Variants in ABCB1 observed in about 807,000 individuals in gnomAD.
ABCB1 encodes the protein ATP binding cassette subfamily B member 1, also known as ATP-dependent translocase ABCB1.
ABCB1 carries 69 observed loss-of-function variants against 142.0 expected under a neutral mutation model. That is an observed-to-expected ratio of 0.49 (90% CI 0.40 to 0.59). The LOEUF is 0.59. Among genes scored for constraint, ABCB1 ranks in the 20% least tolerant of loss-of-function variants. ABCB1 has a pLI of 0.00. For synonymous variants in ABCB1, 532 were observed against 539.2 expected (o/e 0.99, Z 0.18); for missense variants, 1,326 against 1,554.7 (o/e 0.85, Z 2.47).
At position 87,503,237 on chromosome 7, in the gene ABCB1, T is replaced by C. The variant is rs558395209; in HGVS notation, c.*1006A>G. ...AGTTGCTTATTTAAGATAGCAATTGTTTATAGTAAATATAGTTTATAATGT... is the reference window on the plus strand; with the variant it reads ...AGTTGCTTATTTAAGATAGCAATTGCTTATAGTAAATATAGTTTATAATGT... On this transcript the variant is annotated 3_prime_UTR_variant, in exon 28 of 28. Coordinates refer to ENST00000622132, the MANE Select transcript of ABCB1 (RefSeq NM_001348946.2). 2.0e-5 allele frequency among the ~76,000 whole-genome samples: 3 copies of C among 152,178 alleles called. No individual in the cohort carries two copies. The highest frequency in any genetic ancestry group is 4.4e-5 in the Non-Finnish European group (3 of 67,956).
chr7:87,634,644 A>G (rs1246085959), intron 1 of ABCB1, among the ~76,000 whole-genome samples: 1 of 152,282 alleles, frequency 6.6e-6, no homozygotes, highest in East Asian at 1.9e-4. Context: ...AAAAGAAAAA[A>G]AAAAGAACTT....
At position 87,677,274 on chromosome 7, in the gene ABCB1, AACACACACACACAC is replaced by A. The variant is rs57009840; in HGVS notation, c.-331+35873_-331+35886del. 1.2e-4 allele frequency among the ~76,000 whole-genome samples: 16 copies of A among 135,898 alleles called. No homozygotes were observed. In the South Asian group the frequency reaches 2.2e-3, roughly 18 times the overall value. The allele number at this position is 135,898 out of a possible 152,430, so 89.2% of individuals were successfully genotyped here. A position where few individuals can be genotyped will look rare whatever the true frequency, so the allele number is the denominator to read the frequency against. On this transcript the variant is annotated intron_variant, in intron 1 of 28. Transcript: ENST00000265724. ...TGGATTAATAAACTACAGTGTATAT[AACACACACACACAC>A]ACACACACACACACACACACACCAC...
At chr7:87,689,268 T>A (rs1484801996) in intron 1 of ABCB1, among the ~76,000 whole-genome samples, 1 of 152,108 alleles carries the variant, frequency 6.6e-6, no homozygotes, top group Non-Finnish European at 1.5e-5. Flanking sequence ...AAATTGATGA[T>A]CTCTGATGGT....
chr7:87,552,785 G>C (rs1204313308), intron 9 of ABCB1, among the ~76,000 whole-genome samples: 1 of 151,066 alleles, frequency 6.6e-6, no homozygotes, highest in African/African-American at 2.4e-5. Context: ...ATTGTTTTAA[G>C]GGATTCTACA....
intron 2 of ABCB1, among the ~76,000 whole-genome samples, chr7:87,597,923 T>C (rs1171276402): frequency 6.6e-6 from 1 of 152,192 alleles, no homozygotes; most frequent in East Asian, 1.9e-4. Context: ...CTACGTTTGG[T>C]AGTTATATCT....
intron 1 of ABCB1, among the ~76,000 whole-genome samples, chr7:87,644,342 T>C (rs1417429299): frequency 3.9e-5 from 6 of 152,348 alleles, no homozygotes; most frequent in Admixed American, 3.9e-4. Context: ...TGTTGATCAT[T>C]GATGCTGACT....
intron 1 of ABCB1, among the ~76,000 whole-genome samples, chr7:87,622,985 G>C (rs1820278956): frequency 6.6e-6 from 1 of 152,044 alleles, no homozygotes. Flanking sequence ...TCAAGGCCGA[G>C]GTAAGCCATG....
At chr7:87,606,966 A>C (rs978301551) in intron 1 of ABCB1, among the ~76,000 whole-genome samples, 1 of 152,186 alleles carries the variant, frequency 6.6e-6, no homozygotes, top group Non-Finnish European at 1.5e-5. Flanking sequence ...TGGCTAAAAC[A>C]AGAAACATTG....
chr7:87,586,979 T>C (rs1818784754), intron 3 of ABCB1, among the ~76,000 whole-genome samples: 2 of 152,176 alleles, frequency 1.3e-5, no homozygotes, highest in African/African-American at 4.8e-5. Flanking sequence ...GAGCTTAAGT[T>C]TGGGTTCATG....
chr7:87,531,476 C>T lies in ABCB1; in HGVS notation c.2503G>A (p.Val835Ile). The change falls in exon 21 of 28, where the codon GTA becomes ATA. Residue 835 changes from valine (V) to isoleucine (I), a missense_variant. By Grantham distance (29) the Val-to-Ile change is conservative. Transcript: ENST00000622132. Reference protein sequence around the residue: ...VKGAIGSRLAVITQNIANLGT... With the variant: ...VKGAIGSRLAIITQNIANLGT... ...AGATTTGCTATATTCTGGGTAATTA[C>T]AGCAAGCCTGGAACCTATAGCCTGC... 1 of 1,613,124 alleles carries T rather than the reference C, an allele frequency of 6.2e-7. No homozygotes were observed. The highest frequency in any genetic ancestry group is 1.3e-5 in the African/African-American group (1 of 74,986).
chr7:87,691,382 CTA>C (rs1487393586), intron 1 of ABCB1, among the ~76,000 whole-genome samples: 1 of 152,062 alleles, frequency 6.6e-6, no homozygotes, highest in Admixed American at 6.6e-5. Flanking sequence ...CCTGAAATAA[CTA>C]TATGGTATAA....
intron 7 of ABCB1, chr7:87,565,586 T>A: frequency 2.7e-6 from 1 of 369,810 alleles, no homozygotes. Context: ...CTGACAAAAC[T>A]GTAAAATCAA....
chr7:87,675,864 A>G (rs984025303), intron 1 of ABCB1, among the ~76,000 whole-genome samples: 7 of 152,114 alleles, frequency 4.6e-5, no homozygotes, highest in African/African-American at 1.7e-4. Flanking sequence ...ATATTTTTGG[A>G]CTTAACACCC....
chr7:87,596,216 A>G (rs1280952232), intron 2 of ABCB1, among the ~76,000 whole-genome samples: 1 of 152,068 alleles, frequency 6.6e-6, no homozygotes, highest in Admixed American at 6.6e-5. Context: ...CTTAATTGTC[A>G]TTTGATTAAT....
At chr7:87,650,875 C>A (rs1462834001) in intron 1 of ABCB1, 1 of 1,613,102 alleles carries the variant, frequency 6.2e-7, no homozygotes, top group Non-Finnish European at 8.5e-7. Context: ...ATTGATGATT[C>A]TTCTCCTGAA....
intron 21 of ABCB1, chr7:87,522,063 C>A: frequency 1.8e-6 from 2 of 1,113,408 alleles, no homozygotes; most frequent in Non-Finnish European, 2.7e-6. Context: ...GCTCTGGGAA[C>A]TTTGGTGGTG....
chr7:87,539,335 A>G lies in ABCB1; in HGVS notation c.2330T>C (p.Phe777Ser). ...FITFFLQGFT[F>S]GKAGEILTKR... The stretch of plus-strand genomic sequence containing the variant: ...GGTGAGGATCTCTCCAGCTTTGCCA[A>G]ATGTGAAACCCTGTGGGCAGGAACA... The change falls in exon 19 of 28, where the codon TTT becomes TCT. Residue 777 changes from phenylalanine to serine, a missense_variant. Phe to Ser is a radical substitution (Grantham distance 155, BLOSUM62 -2). Coordinates refer to ENST00000622132, the MANE Select transcript of ABCB1 (RefSeq NM_001348946.2). 6.2e-7 allele frequency: 1 copy of G among 1,614,144 alleles called. No homozygotes were observed. Among genetic ancestry groups the G allele is most frequent in the Non-Finnish European group, 8.5e-7 (1 of 1,179,980 alleles).
chr7:87,567,960 T>C (rs1262321514), intron 5 of ABCB1, among the ~76,000 whole-genome samples: 1 of 151,500 alleles, frequency 6.6e-6, no homozygotes, highest in Non-Finnish European at 1.5e-5. Flanking sequence ...CCAAGCGTGG[T>C]GGCGTGCGAC....
At chr7:87,709,635 C>T in intron 1 of ABCB1, 1 of 435,830 alleles carries the variant, frequency 2.3e-6, no homozygotes, top group Non-Finnish European at 3.1e-6. Context: ...TTTCCTATCC[C>T]ATAGTTTGGT....
Sources: gnomAD v4.1 joint callset for allele counts (sites outside exome capture counted in the v4.1 genomes callset) on GRCh38, gnomAD v4.1.1 for gene constraint, MANE v1.5 for transcripts, NCBI Gene and HGNC (gene_info 2026-07-23, HGNC 2026-07-21) for gene names.